SLC6A12: variants seen among roughly 807,000 people sequenced by gnomAD.
SLC6A12 encodes the protein sodium- and chloride-dependent betaine transporter.
Under a neutral mutation model 73.3 loss-of-function variants are expected in SLC6A12, and 50 were observed. The ratio of observed to expected loss-of-function variants is 0.68; its 90% CI spans 0.54 to 0.86. The LOEUF is 0.86. Among genes scored for constraint, SLC6A12 ranks in the 40% least tolerant of loss-of-function variants. The pLI is 0.00. For missense variants in SLC6A12, 648 were observed against 772.8 expected, an observed-to-expected ratio of 0.84 and a Z score of 1.92; for synonymous variants, 304 against 309.2, an observed-to-expected ratio of 0.98 and a Z score of 0.18.
chr12:211,604 T>G (rs1940906041), intron 2 of SLC6A12, among the ~76,000 whole-genome samples: 2 of 152,102 alleles, frequency 1.3e-5, no homozygotes. Flanking sequence ...GATGAAAAAA[T>G]GGGGAGTTGG....
chr12:198,230 C>G lies in SLC6A12; in HGVS notation c.847-227G>C, dbSNP rs1405966702. ...TGGTTCTGTAGGCACTTAGTGAGTA[C>G]CAAATACATGTGTGTTGCTTGGATT... On this transcript the variant is annotated intron_variant, in intron 8 of 15. Transcript: ENST00000684302. This position sits in a 1 kb window ranked among gnomAD's most constrained non-coding sequence, Gnocchi z 4.0. Among the ~76,000 whole-genome samples the G allele has an allele frequency of 1.3e-5, 2 of 152,204 alleles. No homozygotes were observed. Among genetic ancestry groups the G allele is most frequent in the Non-Finnish European group, 2.9e-5 (2 of 68,052 alleles).
intron 3 of SLC6A12, among the ~76,000 whole-genome samples, chr12:206,492 TG>T (rs1565477829): frequency 1.3e-5 from 2 of 152,260 alleles, no homozygotes; most frequent in African/African-American, 4.8e-5. Flanking sequence ...ATGGATATTT[TG>T]GTTGTTTCCA....
chr12:196,852 T>C lies in SLC6A12; in HGVS notation c.1106A>G (p.Lys369Arg). 1 of 1,613,866 alleles carries C rather than the reference T, an allele frequency of 6.2e-7. No homozygotes were observed. The highest frequency in any genetic ancestry group is 8.5e-7 in the Non-Finnish European group (1 of 1,179,878). ...GGATAAGGGCATCATAGTCACAGCC[T>C]TGGGGAAGGCGATGAAGGCCAGCCC... ...GPGLAFIAFPKAVTMMPLSQL... is the reference protein window; with the variant it reads ...GPGLAFIAFPRAVTMMPLSQL... Residue 369 changes from lysine to arginine, a missense_variant, in exon 11 of 16, where the codon AAG (lysine) becomes AGG (arginine). By Grantham distance (26) the Lys-to-Arg change is conservative (BLOSUM62 2). Coordinates refer to ENST00000684302, the MANE Select transcript of SLC6A12 (RefSeq NM_001122848.3).
chr12:201,728 C>T (rs779203332), intron 6 of SLC6A12, 34 bp downstream of exon 6: 8 of 1,546,510 alleles, frequency 5.2e-6, no homozygotes, highest in Non-Finnish European at 7.2e-6. Flanking sequence ...TCCAAATTTC[C>T]TCTTCATATG....
intron 3 of SLC6A12, 35 bp from the exon 4 acceptor site, chr12:204,733 C>T (rs780151326): frequency 1.2e-6 from 2 of 1,610,992 alleles, no homozygotes; most frequent in Admixed American, 1.7e-5. Flanking sequence ...TGAGCCACAC[C>T]CGGGCTCTTC....
rs767871917 is a variant in SLC6A12, at chr12:192,481, C to G, written c.1698G>C (p.Arg566Ser). 4 of 1,613,952 alleles carry G rather than the reference C, an allele frequency of 2.5e-6. No individual in the cohort carries two copies. Among genetic ancestry groups the G allele is most frequent in the Non-Finnish European group, 2.5e-6 (3 of 1,179,904 alleles). The change falls in exon 15 of 16, where the codon AGG becomes AGC. Residue 566 changes from arginine to serine, a missense_variant. Coordinates refer to ENST00000684302, the MANE Select transcript of SLC6A12 (RefSeq NM_001122848.3). ...ITLLKTRGPF[R>S]KRLRQLITPD... is the part of the protein sequence containing the mutation. ...CACTCTCCCCTACACCACCTACCTT[C>G]CTGAAAGGACCCCGAGTCTTCAGGA...
In SLC6A12 at chr12:192,528, G is replaced by C. The variant is rs1939648510; in HGVS notation, c.1651C>G (p.Pro551Ala). 1 of 1,613,944 alleles carries C rather than the reference G, an allele frequency of 6.2e-7. No individual in the cohort carries two copies. The highest frequency in any genetic ancestry group is 8.5e-7 in the Non-Finnish European group (1 of 1,180,014). Residue 551 changes from proline to alanine, a missense_variant, in exon 15 of 16, where the codon CCA (proline) becomes GCA (alanine). Coordinates refer to ENST00000684302, the MANE Select transcript of SLC6A12 (RefSeq NM_001122848.3). The part of the protein sequence containing the change: ...FLALSSMVCV[P>A]LFVVITLLKT... ...AGGAGGGTGATGACGACGAAGAGTG[G>C]GACACAGACCATGGAGGACAGAGCC... is the stretch of plus-strand genomic sequence containing the variant.
downstream of SLC6A12, among the ~76,000 whole-genome samples, chr12:188,348 G>A (rs528857299): frequency 2.0e-3 from 307 of 152,020 alleles, 3 homozygotes; most frequent in African/African-American, 6.9e-3. Flanking sequence ...CCGGGCCGGC[G>A]GGGCCGGCAG....
intron 7 of SLC6A12, 182 bp from the exon 8 acceptor site, chr12:199,113 C>G: frequency 1.7e-6 from 1 of 571,606 alleles, no homozygotes; most frequent in African/African-American, 1.9e-5. Context: ...CTGTGCTCCC[C>G]CCAGGGTGTG....
rs202092020 is a variant in SLC6A12 at position 197,384 on chromosome 12, G to T, written c.1068C>A (p.Ala356=). The change falls in exon 10 of 16, where the codon GCC becomes GCA. Residue 356 remains alanine, a synonymous_variant. Transcript: ENST00000684302. ...QEQGVPISEV[A]ESGPGLAFIA... is the part of the protein sequence containing the mutation. The stretch of plus-strand genomic sequence containing the variant: ...CAGCAAAGTGGCACCTACCTGACTC[G>T]GCCACTTCAGAAATGGGCACCCCTT... 7 of 1,612,712 alleles carry T rather than the reference G, an allele frequency of 4.3e-6. No homozygotes were observed. The highest frequency in any genetic ancestry group is 3.3e-5 in the Admixed American group (2 of 59,888).
At chr12:200,584 T>TC in intron 7 of SLC6A12, 67 bp downstream of exon 7, 1 of 1,519,582 alleles carries the variant, frequency 6.6e-7, no homozygotes, top group Non-Finnish European at 9.0e-7. Context: ...CTCCAGAGGG[T>TC]CCCCCTCAAG....
At position 204,669 on chromosome 12, in the gene SLC6A12, A is replaced by G. The variant is rs749954547; in HGVS notation, c.244T>C (p.Phe82Leu). The change falls in exon 4 of 16, where the codon TTC becomes CTC. Residue 82 changes from phenylalanine to leucine, a missense_variant. Physicochemically the swap from Phe to Leu is conservative, Grantham distance 22. Coordinates refer to ENST00000684302, the MANE Select transcript of SLC6A12 (RefSeq NM_001122848.3). ...AACACCGGGATGCCGCAGACAAAGAAGAAGATGAAGTAGGGGATGAAGAAG... is the reference window on the plus strand; with the variant it reads ...AACACCGGGATGCCGCAGACAAAGAGGAAGATGAAGTAGGGGATGAAGAAG... Reference protein sequence around the residue: ...GAFFIPYFIFFFVCGIPVFFL... With the variant: ...GAFFIPYFIFLFVCGIPVFFL... The G allele has an allele frequency of 6.2e-7, 1 of 1,614,176 alleles. No individual in the cohort carries two copies.
rs1042458280 is a variant in SLC6A12, at chr12:198,996, C to T, written c.712-65G>A. 1.1e-5 allele frequency: 17 copies of T among 1,553,152 alleles called. No homozygotes were observed. Among genetic ancestry groups the T allele is most frequent in the Non-Finnish European group, 1.4e-5 (16 of 1,128,892 alleles). ...GACGCAGTGGCCCTCCAGCCACGCC[C>T]CACAGGCAGCTCGAGTCACACGGAG... On this transcript the variant is annotated intron_variant, in intron 7 of 15. Transcript: ENST00000684302. The surrounding 1 kb of genome is among the most constrained non-coding windows in gnomAD (Gnocchi z 4.0).
Position 196,765 on chromosome 12 carries a change from C to A in SLC6A12, c.1188+5G>T. ...GGCAGGGCAGGCTGGGCTGCAGTGA[C>A]GTACCTGGCTGTCCAGCCCTAGGAA... On this transcript the variant is annotated splice_donor_5th_base_variant and intron_variant, in intron 11 of 15. Transcript: ENST00000684302. 3 of 1,601,972 alleles carry A rather than the reference C, an allele frequency of 1.9e-6. No individual in the cohort carries two copies. The highest frequency in any genetic ancestry group is 1.7e-6 in the Non-Finnish European group (2 of 1,169,612).
chr12:197,435 G>A lies in SLC6A12; in HGVS notation c.1017C>T (p.Ser339=). The A allele has an allele frequency of 6.2e-7, 1 of 1,613,962 alleles. No individual in the cohort carries two copies. Among genetic ancestry groups the A allele is most frequent in the Non-Finnish European group, 8.5e-7 (1 of 1,179,926 alleles). ...TSFVAGFVVF[S]ILGFMSQEQG... is the part of the protein sequence containing the mutation. ...GCTCTTGGGACATGAAGCCCAGGAT[G>A]GAGAAGACAACAAACCCAGCCACAA... The change falls in exon 10 of 16, where the codon TCC becomes TCT. Residue 339 remains serine, a synonymous_variant. Transcript: ENST00000684302.
At position 196,853 on chromosome 12, in the gene SLC6A12, T is replaced by C; in HGVS notation, c.1105A>G (p.Lys369Glu). Reference sequence around the variant, plus strand: ...GATAAGGGCATCATAGTCACAGCCTTGGGGAAGGCGATGAAGGCCAGCCCA... The same window carrying C: ...GATAAGGGCATCATAGTCACAGCCTCGGGGAAGGCGATGAAGGCCAGCCCA... ...GPGLAFIAFPKAVTMMPLSQL... is the reference protein window; with the variant it reads ...GPGLAFIAFPEAVTMMPLSQL... Residue 369 changes from lysine (K) to glutamate (E), a missense_variant, in exon 11 of 16, where the codon AAG becomes GAG. By Grantham distance (56) the Lys-to-Glu change is moderately conservative. Coordinates refer to ENST00000684302, the MANE Select transcript of SLC6A12 (RefSeq NM_001122848.3). 1 of 1,613,796 alleles carries C rather than the reference T, an allele frequency of 6.2e-7. No individual in the cohort carries two copies. Among genetic ancestry groups the C allele is most frequent in the Non-Finnish European group, 8.5e-7 (1 of 1,179,862 alleles).
chr12:202,704 A>G (rs751959752), intron 5 of SLC6A12, 36 bp downstream of exon 5: 2 of 1,601,400 alleles, frequency 1.2e-6, no homozygotes, highest in East Asian at 4.5e-5. Context: ...CCCAGCCCCT[A>G]ACAGGCAACA....
chr12:198,923 A>T lies in SLC6A12; in HGVS notation c.720T>A (p.Tyr240Ter). Reference sequence around the variant, plus strand: ...TCAGGTACGGAAACGTGGCTGTGAAATAAACCACCTGGAGGTGGGGGGACA... The same window carrying T: ...TCAGGTACGGAAACGTGGCTGTGAATTAAACCACCTGGAGGTGGGGGGACA... Reference protein sequence around the residue: ...KGVKSTGKVVYFTATFPYLML... With the variant: ...KGVKSTGKVV The change falls in exon 8 of 16, where the codon TAT becomes TAA. Residue 240 changes from tyrosine to a stop codon, truncating the protein, a stop_gained. Transcript: ENST00000684302. LOFTEE classifies it high-confidence loss of function. This position sits in a 1 kb window ranked among gnomAD's most constrained non-coding sequence, Gnocchi z 4.0. The T allele has an allele frequency of 6.2e-7, 1 of 1,614,198 alleles. No individual in the cohort carries two copies. The highest frequency in any genetic ancestry group is 2.2e-5 in the East Asian group (1 of 44,878).
At chr12:191,734 G>A (rs998027420) in intron 15 of SLC6A12, among the ~76,000 whole-genome samples, 5 of 152,236 alleles carry the variant, frequency 3.3e-5, no homozygotes, top group East Asian at 1.9e-4. Context: ...GACTGGAATC[G>A]TGACAGCCAT....
Sources: allele counts gnomAD v4.1 joint callset (sites outside exome capture counted in the v4.1 genomes callset), GRCh38; gene constraint gnomAD v4.1.1; non-coding constraint Gnocchi (gnomAD v3.1); transcripts MANE v1.5; gene names NCBI Gene and HGNC (gene_info 2026-07-23, HGNC 2026-07-21).